SUPT3H: variants seen among roughly 807,000 people sequenced by gnomAD.
SUPT3H encodes the protein SPT3 homolog, SAGA and STAGA complex component.
Under a neutral mutation model 44.3 loss-of-function variants are expected in SUPT3H, and 44 were observed. The ratio of observed to expected loss-of-function variants is 0.99; its 90% CI spans 0.78 to 1.28. SUPT3H has a LOEUF of 1.28. Among genes scored for constraint, SUPT3H ranks in the 50% most tolerant of loss-of-function variants. SUPT3H has a pLI of 0.00. For synonymous variants in SUPT3H, 124 were observed against 125.6 expected (o/e 0.99, Z 0.09); for missense variants, 380 against 387.1 (o/e 0.98, Z 0.15).
At chr6:45,218,895 T>A (rs1251464896) in intron 2 of SUPT3H, among the ~76,000 whole-genome samples, 1 of 152,166 alleles carries the variant, frequency 6.6e-6, no homozygotes, top group Non-Finnish European at 1.5e-5. Flanking sequence ...AATCTCAACA[T>A]ATTTCAAAGA....
intron 5 of SUPT3H, among the ~76,000 whole-genome samples, chr6:45,009,097 C>T (rs777967099): frequency 7.2e-5 from 11 of 152,042 alleles, no homozygotes; most frequent in Non-Finnish European, 1.3e-4. Context: ...TCTATTCAGA[C>T]CCTTTGCCCA....
At chr6:44,912,633 A>C (rs1429790306) in intron 10 of SUPT3H, among the ~76,000 whole-genome samples, 1 of 152,172 alleles carries the variant, frequency 6.6e-6, no homozygotes, top group Non-Finnish European at 1.5e-5. Flanking sequence ...CACAAGAATC[A>C]CTGGCAGAGA....
chr6:44,924,721 T>C (rs1769259990), intron 10 of SUPT3H, among the ~76,000 whole-genome samples: 1 of 152,128 alleles, frequency 6.6e-6, no homozygotes, highest in African/African-American at 2.4e-5. Flanking sequence ...TCTTATATGA[T>C]AAATATGCTA....
intron 10 of SUPT3H, among the ~76,000 whole-genome samples, chr6:44,839,485 T>C (rs1770535824): frequency 6.6e-6 from 1 of 151,786 alleles, no homozygotes. Flanking sequence ...AAAAAAATTT[T>C]TTTTAGAGAT....
intron 11 of SUPT3H, among the ~76,000 whole-genome samples, chr6:44,813,691 G>A (rs1431296698): frequency 6.7e-6 from 1 of 149,864 alleles, no homozygotes; most frequent in African/African-American, 2.5e-5. Context: ...AATGGTGATG[G>A]TATAATTAAA....
chr6:45,096,610 C>T (rs998426663), intron 3 of SUPT3H, among the ~76,000 whole-genome samples: 4 of 150,786 alleles, frequency 2.7e-5, no homozygotes, highest in Non-Finnish European at 3.0e-5. Context: ...CAAAGAAAGA[C>T]GAGACAAAAA....
intron 2 of SUPT3H, among the ~76,000 whole-genome samples, chr6:45,158,077 ATAAT>A (rs1301274046): frequency 1.4e-5 from 2 of 146,438 alleles, no homozygotes; most frequent in South Asian, 2.1e-4. Context: ...ATTATAATTT[ATAAT>A]TAATATATTT....
intron 3 of SUPT3H, among the ~76,000 whole-genome samples, chr6:45,085,937 T>C (rs1796418705): frequency 6.6e-6 from 1 of 152,098 alleles, no homozygotes; most frequent in Non-Finnish European, 1.5e-5. Context: ...AACTATTATT[T>C]AAAACAACTC....
intron 3 of SUPT3H, among the ~76,000 whole-genome samples, chr6:45,056,631 A>G (rs1392748511): frequency 6.6e-6 from 1 of 152,202 alleles, no homozygotes; most frequent in African/African-American, 2.4e-5. Context: ...GTTTTCACTT[A>G]CAAGTGGGAG....
chr6:45,097,037 C>T (rs1437017720), intron 3 of SUPT3H, among the ~76,000 whole-genome samples: 3 of 152,072 alleles, frequency 2.0e-5, no homozygotes, highest in Non-Finnish European at 4.4e-5. Context: ...AGGCATCAGT[C>T]TTGTGGAACT....
intron 2 of SUPT3H, among the ~76,000 whole-genome samples, chr6:45,215,050 A>G (rs1404534270): frequency 6.6e-6 from 1 of 152,168 alleles, no homozygotes; most frequent in Non-Finnish European, 1.5e-5. Context: ...AGCCTGGGCC[A>G]CAAAGCCAAT....
chr6:44,996,308 T>C (rs1781265735), intron 6 of SUPT3H, among the ~76,000 whole-genome samples: 1 of 151,866 alleles, frequency 6.6e-6, no homozygotes, highest in Non-Finnish European at 1.5e-5. Flanking sequence ...TATTTTTATT[T>C]CTTCTTGTTT....
At chr6:44,908,861 T>C (rs567255476) in intron 10 of SUPT3H, among the ~76,000 whole-genome samples, 1 of 152,208 alleles carries the variant, frequency 6.6e-6, no homozygotes, top group African/African-American at 2.4e-5. Flanking sequence ...TGAGCTAATA[T>C]TGTCTCTAAA....
At chr6:45,132,252 A>T (rs1562522272) in intron 2 of SUPT3H, among the ~76,000 whole-genome samples, 1 of 152,190 alleles carries the variant, frequency 6.6e-6, no homozygotes, top group East Asian at 1.9e-4. Context: ...AAGCTGTCCA[A>T]ACTGAGAGAG....
rs528260748 is a variant in SUPT3H at position 44,975,771 on chromosome 6, A to G, written c.505-13943T>C. The stretch of plus-strand genomic sequence containing the variant: ...TATACTTGGAAAGAGTCCTATTAAT[A>G]ATATAAACATCAAATTACTTCTGAT... On this transcript the variant is annotated intron_variant, in intron 6 of 10. Transcript: ENST00000371459. Among the ~76,000 whole-genome samples, 7 of 152,280 alleles carry G rather than the reference A, an allele frequency of 4.6e-5. No homozygotes were observed. The South Asian group carries it at 1.4e-3, about 32-fold the overall frequency.
intron 2 of SUPT3H, among the ~76,000 whole-genome samples, chr6:45,302,514 A>AAT (rs10524207): frequency 0.026 from 2,709 of 104,424 alleles, 45 homozygotes; most frequent in Non-Finnish European, 0.037. Flanking sequence ...GTATCTCAGG[A>AAT]ATATATATAT....
At chr6:45,214,580 C>T (rs1052847037) in intron 2 of SUPT3H, among the ~76,000 whole-genome samples, 1 of 152,126 alleles carries the variant, frequency 6.6e-6, no homozygotes, top group South Asian at 2.1e-4. Flanking sequence ...GGTGTGGTGG[C>T]ACACATCTGT....
At chr6:45,253,852 T>TATATATATATATATATAC in intron 2 of SUPT3H, among the ~76,000 whole-genome samples, 1 of 124,268 alleles carries the variant, frequency 8.0e-6, no homozygotes, top group East Asian at 2.5e-4. Flanking sequence ...TATACGCATA[T>TATATATATATATATATAC]ATATATATAT....
intron 1 of SUPT3H, among the ~76,000 whole-genome samples, chr6:45,370,812 C>T (rs1003162942): frequency 4.6e-5 from 7 of 152,168 alleles, no homozygotes; most frequent in Non-Finnish European, 7.3e-5. Context: ...TGATAGACTG[C>T]TCCGAGACAC....
Sources: gnomAD v4.1 joint callset for allele counts (sites outside exome capture counted in the v4.1 genomes callset) on GRCh38, gnomAD v4.1.1 for gene constraint, MANE v1.5 for transcripts, NCBI Gene and HGNC (gene_info 2026-07-23, HGNC 2026-07-21) for gene names.